Variants in NECAB2 observed in about 807,000 individuals in gnomAD.
The protein encoded by NECAB2 is N-terminal EF-hand calcium-binding protein 2.
NECAB2 carries 68 observed loss-of-function variants against 51.9 expected under a neutral mutation model. The observed-to-expected ratio is 1.31, with a 90% confidence interval of 1.08 to 1.60. The LOEUF (loss-of-function observed/expected upper bound fraction) is 1.60. NECAB2 is among the 40% of genes most tolerant of loss of function. The pLI is 0.00. For synonymous variants in NECAB2, 329 were observed against 203.5 expected (o/e 1.62, Z -5.25); for missense variants, 854 against 490.3 (o/e 1.74, Z -7.00).
At chr16:83,974,790 G>T (rs74404612) in intron 2 of NECAB2, among the ~76,000 whole-genome samples, 2 of 151,790 alleles carry the variant, frequency 1.3e-5, no homozygotes, top group African/African-American at 4.9e-5. Context: ...GAATAGAATG[G>T]CTGGGGAAAG....
At chr16:83,993,932 G>T (rs1318705365) in intron 6 of NECAB2, among the ~76,000 whole-genome samples, 1 of 152,140 alleles carries the variant, frequency 6.6e-6, no homozygotes, top group Non-Finnish European at 1.5e-5. Context: ...GAGGGAGGGA[G>T]GGGGACTTGG....
chr16:83,997,416 A>C, intron 9 of NECAB2, 147 bp downstream of exon 9: 2 of 820,498 alleles, frequency 2.4e-6, no homozygotes, highest in Non-Finnish European at 3.6e-6. Context: ...TGGCACCCAG[A>C]CCCTGCCCTG....
chr16:84,001,128 A>ACCTCCACCCTGTAGAGTTGAGGGCCTG (rs1567681630), intron 11 of NECAB2, among the ~76,000 whole-genome samples: 3 of 151,934 alleles, frequency 2.0e-5, no homozygotes, highest in African/African-American at 7.3e-5. Context: ...TTGAGGGCCT[A>ACCTCCACCCTGTAGAGTTGAGGGCCTG]ACCTAGAAGG....
chr16:83,989,093 T>C (rs541205631), intron 5 of NECAB2, among the ~76,000 whole-genome samples: 14 of 152,374 alleles, frequency 9.2e-5, no homozygotes, highest in African/African-American at 3.4e-4. Context: ...ATTTTTCTGC[T>C]GATCACTTCT....
At position 83,994,402 on chromosome 16, in the gene NECAB2, G is replaced by A. The variant is rs2292323; in HGVS notation, c.697G>A (p.Gly233Ser). The A allele has an allele frequency of 3.7e-5, 60 of 1,614,148 alleles. No homozygotes were observed. The East Asian group carries it at 1.1e-3, about 29-fold the overall frequency. The part of the protein sequence containing the change: ...PNHKLMAMEQ[G>S]KTLPSATEDA... Reference sequence around the variant, plus strand: ...CCACAAGCTCATGGCTATGGAACAAGGCAAGACCCTTCCATCTGGTGAGAG... The same window carrying A: ...CCACAAGCTCATGGCTATGGAACAAAGCAAGACCCTTCCATCTGGTGAGAG... Residue 233 changes from glycine (G) to serine (S), a missense_variant, in exon 7 of 13, where the codon GGC (glycine) becomes AGC (serine). Physicochemically the swap from Gly to Ser is moderately conservative, Grantham distance 56. Transcript: ENST00000305202.
At chr16:83,992,729 T>TA (rs2084642477) in intron 6 of NECAB2, among the ~76,000 whole-genome samples, 1 of 152,176 alleles carries the variant, frequency 6.6e-6, no homozygotes, top group Non-Finnish European at 1.5e-5. Context: ...AAAATTAAAA[T>TA]ACACATTCCT....
chr16:84,000,397 G>A (rs75920854), intron 10 of NECAB2, among the ~76,000 whole-genome samples: 6 of 151,836 alleles, frequency 4.0e-5, no homozygotes, highest in Admixed American at 2.0e-4. Context: ...GCCGAGTGGT[G>A]CACTCCTCTA....
At chr16:83,975,863 G>T (rs1312039657) in intron 2 of NECAB2, among the ~76,000 whole-genome samples, 1 of 152,186 alleles carries the variant, frequency 6.6e-6, no homozygotes, top group Non-Finnish European at 1.5e-5. Context: ...GCCAGCGCGG[G>T]CCCGCTTGGC....
At chr16:83,999,522 C>T (rs536546618) in intron 10 of NECAB2, among the ~76,000 whole-genome samples, 7 of 152,184 alleles carry the variant, frequency 4.6e-5, no homozygotes, top group Non-Finnish European at 8.8e-5. Flanking sequence ...GTGTGTCCAC[C>T]CCAAGATGGA....
chr16:83,990,731 G>A (rs113195124), intron 6 of NECAB2, 101 bp downstream of exon 6: 2 of 1,488,830 alleles, frequency 1.3e-6, no homozygotes, highest in Admixed American at 2.1e-5. Context: ...TAAGAGCTGG[G>A]TGACCTTGGG....
At chr16:84,000,969 A>G (rs1033908400) in intron 11 of NECAB2, among the ~76,000 whole-genome samples, 168 bp downstream of exon 11, 20 of 123,550 alleles carry the variant, frequency 1.6e-4, no homozygotes, top group African/African-American at 9.8e-4. Context: ...TGGTGGAGGC[A>G]GGAGCTCTTG....
At chr16:83,981,735 C>T (rs1325465604) in intron 5 of NECAB2, among the ~76,000 whole-genome samples, 1 of 152,078 alleles carries the variant, frequency 6.6e-6, no homozygotes, top group African/African-American at 2.4e-5. Flanking sequence ...CATGAGACTC[C>T]AGGCACACCC....
At position 83,974,553 on chromosome 16, in the gene NECAB2, T is replaced by A. The variant is rs146991306; in HGVS notation, c.226+2378T>A. ...TGAACGTCTGTTATGCACCAGGACT[T>A]GAATGTGCTTTTTCCTTTAATCTTC... On this transcript the variant is annotated intron_variant, in intron 2 of 12. Coordinates refer to ENST00000305202, the MANE Select transcript of NECAB2 (RefSeq NM_019065.3). Among the ~76,000 whole-genome samples, 617 of 152,264 alleles carry A rather than the reference T, an allele frequency of 4.1e-3. 5 individuals carry two copies. The highest frequency in any genetic ancestry group is 0.014 in the African/African-American group (598 of 41,524).
rs1374217213 is a variant in NECAB2 at position 83,968,729 on chromosome 16, G to A, written c.81G>A (p.Leu27=). The A allele has an allele frequency of 3.9e-6, 4 of 1,038,746 alleles. No homozygotes were observed. The East Asian group carries it at 2.5e-4, about 65-fold the overall frequency. 64.3% of individuals were successfully genotyped at this position (1,038,746 alleles called of 1,614,324 possible). The change falls in exon 1 of 13, where the codon CTG becomes CTA. Residue 27 remains leucine (L), a synonymous_variant. Coordinates refer to ENST00000305202, the MANE Select transcript of NECAB2 (RefSeq NM_019065.3). The part of the protein sequence containing the change: ...LREPPQQGRA[L]GGLLRWVGAR... ...AGCCGCCGCAGCAGGGCCGGGCGCT[G>A]GGCGGGCTGCTGCGCTGGGTGGGCG...
rs147394468 is a variant in NECAB2 at position 83,981,038 on chromosome 16, G to T, written c.370G>T (p.Val124Leu). 5.0e-6 allele frequency: 8 copies of T among 1,614,026 alleles called. No individual in the cohort carries two copies. In the African/African-American group the frequency reaches 1.1e-4, roughly 22 times the overall value. The change falls in exon 5 of 13, where the codon GTG (valine) becomes TTG (leucine). Residue 124 changes from valine (V) to leucine (L), a missense_variant. By Grantham distance (32) the Val-to-Leu change is conservative. Transcript: ENST00000305202. ...TGCCTTTCCTTCCCCAGATTACTTT[G>T]TGGACCACATGGGTGACTATGAGGA... Reference protein sequence around the residue: ...VDTKELCDYFVDHMGDYEDVL... With the variant: ...VDTKELCDYFLDHMGDYEDVL...
intron 5 of NECAB2, among the ~76,000 whole-genome samples, chr16:83,989,874 C>G (rs935640125): frequency 8.5e-5 from 13 of 152,164 alleles, no homozygotes; most frequent in African/African-American, 3.1e-4. Context: ...TGATTTCCCC[C>G]CAGGCTCCTC....
intron 5 of NECAB2, among the ~76,000 whole-genome samples, chr16:83,985,158 C>G (rs1411685338): frequency 6.6e-6 from 1 of 150,874 alleles, no homozygotes; most frequent in African/African-American, 2.4e-5. Context: ...ACTAAAAATA[C>G]AAAAATTAGC....
intron 3 of NECAB2, 85 bp from the exon 4 acceptor site, chr16:83,980,754 A>G (rs192813287): frequency 6.7e-7 from 1 of 1,490,296 alleles, no homozygotes; most frequent in East Asian, 2.5e-5. Context: ...AGCAGGCAGG[A>G]TGTGTGTTTC....
In NECAB2 at chr16:83,998,258, G is replaced by C; in HGVS notation, c.903G>C (p.Glu301Asp). The change falls in exon 10 of 13, where the codon GAG becomes GAC. Residue 301 changes from glutamate to aspartate, a missense_variant. Coordinates refer to ENST00000305202, the MANE Select transcript of NECAB2 (RefSeq NM_019065.3). ...CCGTGTGCCCCGAGCAACTGAGCGA[G>C]TTTCTGGACTCTCTGCGCCAGTATC... is the stretch of plus-strand genomic sequence containing the variant. ...EMAVCPEQLS[E>D]FLDSLRQYLR... 1 of 1,613,226 alleles carries C rather than the reference G, an allele frequency of 6.2e-7. No individual in the cohort carries two copies.
Sources: allele counts gnomAD v4.1 joint callset (sites outside exome capture counted in the v4.1 genomes callset), GRCh38; gene constraint gnomAD v4.1.1; transcripts MANE v1.5; gene names NCBI Gene and HGNC (gene_info 2026-07-23, HGNC 2026-07-21).